RPGRIP1: variants seen among roughly 807,000 people sequenced by gnomAD.
The protein encoded by RPGRIP1 is X-linked retinitis pigmentosa GTPase regulator-interacting protein 1.
A neutral mutation model predicts 157.9 loss-of-function variants in RPGRIP1; 128 were observed. That is an observed-to-expected ratio of 0.81 (90% CI 0.70 to 0.94). The LOEUF is 0.94. Among genes scored for constraint, RPGRIP1 ranks in the 40% least tolerant of loss-of-function variants. The pLI is 0.00. For synonymous variants in RPGRIP1, 554 were observed against 571.6 expected, an observed-to-expected ratio of 0.97 and a Z score of 0.44; for missense variants, 1,486 against 1,545.8, an observed-to-expected ratio of 0.96 and a Z score of 0.65.
chr14:21,308,354 G>A (rs1274339756), intron 7 of RPGRIP1, among the ~76,000 whole-genome samples: 1 of 152,160 alleles, frequency 6.6e-6, no homozygotes, highest in Non-Finnish European at 1.5e-5. Flanking sequence ...GTCAAAGTAA[G>A]GTCAGCACCA....
intron 10 of RPGRIP1, among the ~76,000 whole-genome samples, chr14:21,313,407 A>T (rs1881624564): frequency 6.6e-6 from 1 of 152,102 alleles, no homozygotes; most frequent in South Asian, 2.1e-4. Context: ...ACAAAAACAA[A>T]TAAACAAATA....
intron 11 of RPGRIP1, among the ~76,000 whole-genome samples, chr14:21,318,490 G>A (rs1207464101): frequency 2.6e-5 from 4 of 151,808 alleles, no homozygotes; most frequent in African/African-American, 7.3e-5. Flanking sequence ...GTTTGGTTTT[G>A]TTTCTGAGAG....
At position 21,326,188 on chromosome 14, in the gene RPGRIP1, T is replaced by G; in HGVS notation, c.2710+15T>G. 1 of 1,507,866 alleles carries G rather than the reference T, an allele frequency of 6.6e-7. No homozygotes were observed. Among genetic ancestry groups the G allele is most frequent in the Non-Finnish European group, 9.0e-7 (1 of 1,111,566 alleles). The allele number at this position is 1,507,866 out of a possible 1,614,324, so 93.4% of individuals were successfully genotyped here. A position where few individuals can be genotyped will look rare whatever the true frequency, so the allele number is the denominator to read the frequency against. ...ATCTATCAAAGGTGGGAGTTCGAGG[T>G]TATTACATCTTCACGCCCTCTTCCC... On this transcript the variant is annotated intron_variant, in intron 17 of 24. Coordinates refer to ENST00000400017, the MANE Select transcript of RPGRIP1 (RefSeq NM_020366.4).
intron 20 of RPGRIP1, among the ~76,000 whole-genome samples, chr14:21,333,428 G>A (rs886089261): frequency 1.3e-5 from 2 of 152,196 alleles, no homozygotes; most frequent in Non-Finnish European, 2.9e-5. Context: ...TTTTACAGAA[G>A]AGGCACAGCT....
At chr14:21,350,912 C>A (rs976694395) in intron 24 of RPGRIP1, among the ~76,000 whole-genome samples, 192 bp from the exon 25 acceptor site, 1 of 152,126 alleles carries the variant, frequency 6.6e-6, no homozygotes, top group African/African-American at 2.4e-5. Flanking sequence ...GTTATGTCCC[C>A]AAAGCAACTT....
chr14:21,288,874 C>T (rs1029103392), intron 2 of RPGRIP1, among the ~76,000 whole-genome samples: 2 of 152,098 alleles, frequency 1.3e-5, no homozygotes, highest in African/African-American at 2.4e-5. Flanking sequence ...AAGCTAAATA[C>T]TACCACCACA....
intron 20 of RPGRIP1, 133 bp downstream of exon 20, chr14:21,330,520 G>T (rs1883641928): frequency 1.7e-6 from 1 of 579,682 alleles, no homozygotes; most frequent in Non-Finnish European, 2.6e-6. Context: ...ACAAAAATTA[G>T]CCGGGTATGG....
Position 21,324,875 on chromosome 14 carries a change from C to T in RPGRIP1, c.2020C>T (p.Pro674Ser), listed in dbSNP as rs1328030621. Residue 674 changes from proline to serine, a missense_variant, in exon 15 of 25, where the codon CCC (proline) becomes TCC (serine). Pro to Ser is a moderately conservative substitution (Grantham distance 74, BLOSUM62 -1). Transcript: ENST00000400017. ...HCTPLSVGPQ[P>S]LYDFTSQYVM... ...TACCCCATTATCTGTGGGGCCACAG[C>T]CCCTCTATGACTTCACCTCCCAGTA... 5.6e-6 allele frequency: 9 copies of T among 1,613,990 alleles called. No individual in the cohort carries two copies. Among genetic ancestry groups the T allele is most frequent in the Non-Finnish European group, 7.6e-6 (9 of 1,179,860 alleles).
intron 14 of RPGRIP1, chr14:21,323,799 G>A (rs1005355388): frequency 3.3e-5 from 5 of 152,016 alleles, no homozygotes; most frequent in South Asian, 4.2e-4. Context: ...GTGTGTGTGT[G>A]TGTGTCATGA....
At chr14:21,299,363 G>A (rs565505712) in intron 3 of RPGRIP1, among the ~76,000 whole-genome samples, 1 of 151,980 alleles carries the variant, frequency 6.6e-6, no homozygotes, top group Non-Finnish European at 1.5e-5. Context: ...AAGTCAGAAG[G>A]TTGTATGGGC....
chr14:21,343,546 A>AGTGGT (rs1246489371), intron 22 of RPGRIP1, among the ~76,000 whole-genome samples: 1 of 152,226 alleles, frequency 6.6e-6, no homozygotes, highest in East Asian at 1.9e-4. Context: ...GCTAGAATGC[A>AGTGGT]GTGGTGTGAT....
At chr14:21,328,760 G>A (rs368355757) in intron 19 of RPGRIP1, 133 bp downstream of exon 19, 23 of 658,020 alleles carry the variant, frequency 3.5e-5, no homozygotes, top group East Asian at 2.5e-4. Context: ...TGGTGGCTTC[G>A]GCCTGTAATC....
chr14:21,324,937 T>G lies in RPGRIP1; in HGVS notation c.2082T>G (p.Leu694=). The G allele has an allele frequency of 6.2e-7, 1 of 1,613,982 alleles. No individual in the cohort carries two copies. The highest frequency in any genetic ancestry group is 8.5e-7 in the Non-Finnish European group (1 of 1,179,884). The part of the protein sequence containing the change: ...METDSLFLHY[L]QEASARLDIH... ...CAGATTCGCTTTTCTTACACTACCTTCAAGAGGCTTCAGCCCGGCTTGACA... is the reference window on the plus strand; with the variant it reads ...CAGATTCGCTTTTCTTACACTACCTGCAAGAGGCTTCAGCCCGGCTTGACA... The change falls in exon 15 of 25, where the codon CTT becomes CTG. Residue 694 remains leucine, a synonymous_variant. Transcript: ENST00000400017.
intron 20 of RPGRIP1, 63 bp from the exon 21 acceptor site, chr14:21,334,542 G>T: frequency 9.1e-7 from 1 of 1,100,700 alleles, no homozygotes; most frequent in Admixed American, 2.0e-5. Context: ...TGTGTGTGCT[G>T]GGTCTTTTCT....
chr14:21,323,487 C>G (rs17197079), intron 14 of RPGRIP1, among the ~76,000 whole-genome samples: 82,289 of 151,694 alleles, frequency 0.54, 22,327 homozygotes, highest in South Asian at 0.65. Flanking sequence ...TCCATGTCAG[C>G]GTGAGTCTGA....
intron 8 of RPGRIP1, chr14:21,310,936 T>G (rs940651328): frequency 1.8e-6 from 1 of 562,434 alleles, no homozygotes; most frequent in African/African-American, 1.9e-5. Flanking sequence ...TGATGAGATA[T>G]AACAAAGTTG....
At chr14:21,344,007 A>T (rs1406094140) in intron 22 of RPGRIP1, among the ~76,000 whole-genome samples, 1 of 148,334 alleles carries the variant, frequency 6.7e-6, no homozygotes, top group Non-Finnish European at 1.5e-5. Flanking sequence ...TACAGGCGTG[A>T]GCCACCATAC....
intron 15 of RPGRIP1, 58 bp downstream of exon 15, chr14:21,325,128 T>C (rs1353273163): frequency 2.6e-6 from 4 of 1,545,464 alleles, no homozygotes; most frequent in Non-Finnish European, 3.5e-6. Flanking sequence ...TCCCAAAGCC[T>C]ACAGTTGCTT....
In RPGRIP1 at chr14:21,281,860, C is replaced by T. The variant is rs1880143453; in HGVS notation, c.-39+1701C>T. Among the ~76,000 whole-genome samples the T allele has an allele frequency of 7.3e-5, 11 of 151,430 alleles. 2 individuals are homozygous for T. The South Asian group carries it at 2.1e-3, about 29-fold the overall frequency. On this transcript the variant is annotated intron_variant, in intron 1 of 24. Transcript: ENST00000400017. ...CTGTAATCCCAGCACGTTGGGAGAC[C>T]GAGGCTGGCGGATCCCAAGGTCCGG...
Sources: gnomAD v4.1 joint callset for allele counts (sites outside exome capture counted in the v4.1 genomes callset) on GRCh38, gnomAD v4.1.1 for gene constraint, MANE v1.5 for transcripts, NCBI Gene and HGNC (gene_info 2026-07-23, HGNC 2026-07-21) for gene names.